The following CYP20A1 variants were observed in gnomAD, a reference collection of about 807,000 sequenced individuals.
CYP20A1 encodes the protein cytochrome P450 20A1.
In CYP20A1, 61 loss-of-function variants were observed where a neutral mutation model predicts 61.4. The observed-to-expected ratio is 0.99, with a 90% confidence interval of 0.81 to 1.23. CYP20A1 has a LOEUF of 1.23. Among genes scored for constraint, CYP20A1 ranks in the 50% most tolerant of loss-of-function variants. CYP20A1 has a pLI of 0.00. For missense variants in CYP20A1, 530 were observed against 542.4 expected, an observed-to-expected ratio of 0.98 and a Z score of 0.23; for synonymous variants, 193 against 188.2, an observed-to-expected ratio of 1.03 and a Z score of -0.21.
intron 1 of CYP20A1, among the ~76,000 whole-genome samples, chr2:203,244,257 A>G (rs541052434): frequency 5.3e-5 from 8 of 151,920 alleles, no homozygotes; most frequent in African/African-American, 1.9e-4. Context: ...GCTGAAGTGC[A>G]GTGGTGCAAT....
At chr2:203,275,998 T>G (rs1009048009) in intron 6 of CYP20A1, among the ~76,000 whole-genome samples, 1 of 151,912 alleles carries the variant, frequency 6.6e-6, no homozygotes, top group Non-Finnish European at 1.5e-5. Context: ...GGTTGGGAGA[T>G]TGCAATTTTA....
chr2:203,280,642 A>G (rs985976496), intron 8 of CYP20A1, among the ~76,000 whole-genome samples: 11 of 152,258 alleles, frequency 7.2e-5, no homozygotes, highest in African/African-American at 2.7e-4. Flanking sequence ...TTGAAGCTGC[A>G]GTGAGTGATG....
At chr2:203,295,928 A>G in intron 11 of CYP20A1, among the ~76,000 whole-genome samples, 1 of 151,960 alleles carries the variant, frequency 6.6e-6, no homozygotes, top group East Asian at 1.9e-4. Flanking sequence ...CAGCCTGGTG[A>G]CAGAACAAGA....
intron 3 of CYP20A1, among the ~76,000 whole-genome samples, chr2:203,249,440 T>C (rs2066578115): frequency 6.6e-6 from 1 of 152,198 alleles, no homozygotes; most frequent in Admixed American, 6.5e-5. Context: ...TGTGTAGTAA[T>C]TGATTACCAT....
At chr2:203,272,775 G>A (rs369161201) in intron 6 of CYP20A1, 27 bp downstream of exon 6, 32 of 1,403,110 alleles carry the variant, frequency 2.3e-5, no homozygotes, top group Non-Finnish European at 3.1e-5. Context: ...AATTTTTAGT[G>A]AGGACAAAAA....
intron 9 of CYP20A1, among the ~76,000 whole-genome samples, chr2:203,286,336 T>TA (rs1482008991): frequency 2.0e-5 from 3 of 152,164 alleles, no homozygotes; most frequent in Non-Finnish European, 4.4e-5. Context: ...AAGTTCAACA[T>TA]ACACTTATAT....
rs953068048 is a variant in CYP20A1 at position 203,298,549 on chromosome 2, A to AC, written c.*1641_*1642insC. ...CTAAAAATACAAAAAAAAAAAAAAA[A>AC]AATTAGCCAGATGTGGTGGTGCACA... On this transcript the variant is annotated 3_prime_UTR_variant, in exon 13 of 13. Coordinates refer to ENST00000356079, the MANE Select transcript of CYP20A1 (RefSeq NM_177538.3). 1.3e-5 allele frequency among the ~76,000 whole-genome samples: 2 copies of AC among 150,168 alleles called. No individual in the cohort carries two copies. Among genetic ancestry groups the AC allele is most frequent in the African/African-American group, 4.9e-5 (2 of 40,824 alleles).
intron 9 of CYP20A1, 44 bp downstream of exon 9, chr2:203,285,776 G>C: frequency 1.3e-6 from 2 of 1,482,958 alleles, no homozygotes; most frequent in Non-Finnish European, 1.8e-6. Flanking sequence ...AGGTAAATTT[G>C]AACTGGTTTA....
intron 4 of CYP20A1, among the ~76,000 whole-genome samples, chr2:203,255,012 A>C (rs1045378175): frequency 2.0e-5 from 3 of 152,040 alleles, no homozygotes; most frequent in African/African-American, 7.2e-5. Context: ...AGAGGAAAAA[A>C]GAAAAGAAAA....
intron 4 of CYP20A1, among the ~76,000 whole-genome samples, chr2:203,264,341 C>G (rs771444471): frequency 1.3e-5 from 2 of 152,048 alleles, no homozygotes; most frequent in Non-Finnish European, 2.9e-5. Flanking sequence ...TGTTTTCCAA[C>G]TTAGTCTTAT....
At chr2:203,248,376 A>T (rs558916385) in intron 3 of CYP20A1, among the ~76,000 whole-genome samples, 2 of 152,292 alleles carry the variant, frequency 1.3e-5, no homozygotes, top group South Asian at 4.1e-4. Flanking sequence ...GCTACTAAAA[A>T]TACAAAAATT....
At chr2:203,246,500 G>A (rs946089665) in intron 2 of CYP20A1, among the ~76,000 whole-genome samples, 3 of 152,144 alleles carry the variant, frequency 2.0e-5, no homozygotes, top group Non-Finnish European at 2.9e-5. Flanking sequence ...TATCTAAGTC[G>A]GATGTTCCTA....
At chr2:203,292,804 A>G (rs548257698) in intron 11 of CYP20A1, among the ~76,000 whole-genome samples, 2 of 151,772 alleles carry the variant, frequency 1.3e-5, no homozygotes, top group East Asian at 2.0e-4. Flanking sequence ...CTCTTATGTG[A>G]ATCTGCTATT....
At chr2:203,239,202 C>T in intron 1 of CYP20A1, 68 bp downstream of exon 1, 3 of 1,347,762 alleles carry the variant, frequency 2.2e-6, no homozygotes, top group African/African-American at 2.9e-5. Context: ...GGCATCCAGG[C>T]CAACCTGCCC....
chr2:203,240,595 T>C (rs1430789356), intron 1 of CYP20A1, among the ~76,000 whole-genome samples: 1 of 152,150 alleles, frequency 6.6e-6, no homozygotes, highest in Non-Finnish European at 1.5e-5. Context: ...ACGGAGACAT[T>C]TGAGTAGAAA....
In CYP20A1 at chr2:203,266,595, G is replaced by T; in HGVS notation, c.514G>T (p.Ala172Ser). ...CCTCAGCCAGCATATGCTTGGTTTT[G>T]CTATGAAGTCTGTTACACAGATGGT... The part of the protein sequence containing the change: ...VPLSQHMLGF[A>S]MKSVTQMVMG... Residue 172 changes from alanine to serine, a missense_variant, in exon 5 of 13, where the codon GCT (alanine) becomes TCT (serine). Ala to Ser is a moderately conservative substitution (Grantham distance 99). Transcript: ENST00000356079. The T allele has an allele frequency of 6.2e-7, 1 of 1,614,048 alleles. No homozygotes were observed. The highest frequency in any genetic ancestry group is 2.2e-5 in the East Asian group (1 of 44,890).
chr2:203,261,241 T>TACTCTAAGGAGA (rs2067125182), intron 4 of CYP20A1, among the ~76,000 whole-genome samples: 1 of 151,448 alleles, frequency 6.6e-6, no homozygotes, highest in African/African-American at 2.4e-5. Context: ...TAATAGGGGC[T>TACTCTAAGGAGA]ACTCTAAGGA....
intron 3 of CYP20A1, 97 bp downstream of exon 3, chr2:203,247,018 T>C: frequency 2.4e-6 from 3 of 1,239,588 alleles, no homozygotes; most frequent in Non-Finnish European, 2.3e-6. Context: ...CCCAACACTT[T>C]GGGAGGCTGA....
At chr2:203,268,507 G>T (rs1473099663) in intron 5 of CYP20A1, among the ~76,000 whole-genome samples, 1 of 151,978 alleles carries the variant, frequency 6.6e-6, no homozygotes, top group Non-Finnish European at 1.5e-5. Flanking sequence ...TTTTTGGCAA[G>T]AATGTGATGT....
Sources: allele counts gnomAD v4.1 joint callset (sites outside exome capture counted in the v4.1 genomes callset), GRCh38; gene constraint gnomAD v4.1.1; transcripts MANE v1.5; gene names NCBI Gene and HGNC (gene_info 2026-07-23, HGNC 2026-07-21).